FHL3: variants seen among roughly 807,000 people sequenced by gnomAD.
The protein encoded by FHL3 is four and a half LIM domains protein 3.
Under a neutral mutation model 34.3 loss-of-function variants are expected in FHL3, and 21 were observed. The ratio of observed to expected loss-of-function variants is 0.61; its 90% CI spans 0.43 to 0.88. The LOEUF (loss-of-function observed/expected upper bound fraction) is 0.88, where lower values mean the gene tolerates loss of function less well. Among genes scored for constraint, FHL3 ranks in the 40% least tolerant of loss-of-function variants. The pLI is 0.00. For missense variants in FHL3, 333 were observed against 373.7 expected (o/e 0.89, Z 0.90); for synonymous variants, 137 against 144.6 (o/e 0.95, Z 0.38).
chr1:38,000,427 C>T (rs1226032478), intron 1 of FHL3, among the ~76,000 whole-genome samples: 1 of 152,096 alleles, frequency 6.6e-6, no homozygotes, highest in African/African-American at 2.4e-5. Flanking sequence ...GTCTCTCCCA[C>T]CTTTTCCGAT....
In FHL3 at chr1:37,999,309, G is replaced by T; in HGVS notation, c.104C>A (p.Thr35Asn). The T allele has an allele frequency of 1.9e-6, 3 of 1,614,240 alleles. No homozygotes were observed. The highest frequency in any genetic ancestry group is 2.5e-6 in the Non-Finnish European group (3 of 1,180,050). The change falls in exon 2 of 6, where the codon ACC (threonine) becomes AAC (asparagine). Residue 35 changes from threonine to asparagine, a missense_variant. Physicochemically the swap from Thr to Asn is moderately conservative, Grantham distance 65 (BLOSUM62 0). Coordinates refer to ENST00000373016, the MANE Select transcript of FHL3 (RefSeq NM_004468.5). ...GPYCVPCYDN[T>N]FANTCAECQQ... Reference sequence around the variant, plus strand: ...GCACTCAGCACAGGTGTTGGCAAAGGTATTGTCATAGCAGGGCACACAGTA... The same window carrying T: ...GCACTCAGCACAGGTGTTGGCAAAGTTATTGTCATAGCAGGGCACACAGTA...
rs758500471 is a variant in FHL3, at chr1:37,999,272, G to A, written c.141C>T (p.Ile47=). The A allele has an allele frequency of 5.0e-6, 8 of 1,614,058 alleles. No homozygotes were observed. Among genetic ancestry groups the A allele is most frequent in the African/African-American group, 4.0e-5 (3 of 74,926 alleles). The change falls in exon 2 of 6, where the codon ATC becomes ATT. Residue 47 remains isoleucine, a synonymous_variant. Transcript: ENST00000373016. ...ANTCAECQQL[I]GHDSRELFYE... Reference sequence around the variant, plus strand: ...CTCTCCTTACCCTCGAGTCATGCCCGATAAGCTGCTGGCACTCAGCACAGG... The same window carrying A: ...CTCTCCTTACCCTCGAGTCATGCCCAATAAGCTGCTGGCACTCAGCACAGG...
rs1398143185 is a variant in FHL3, at chr1:37,997,169, C to T, written c.*236G>A. ...CAGACTGCAGGGGAGAGGGTGAATT[C>T]TGGAGTCCAGGTGTGGGGAGGGGGC... is the stretch of plus-strand genomic sequence containing the variant. On this transcript the variant is annotated 3_prime_UTR_variant, in exon 6 of 6. Transcript: ENST00000373016. This position sits in a 1 kb window ranked among gnomAD's most constrained non-coding sequence, Gnocchi z 4.3. The T allele has an allele frequency of 3.9e-5, 20 of 515,636 alleles. No individual in the cohort carries two copies. The Admixed American group carries it at 6.8e-4, about 18-fold the overall frequency. 31.9% of individuals were successfully genotyped at this position (515,636 alleles called of 1,614,324 possible).
intron 1 of FHL3, among the ~76,000 whole-genome samples, chr1:38,004,204 G>T (rs1646621744): frequency 6.6e-6 from 1 of 152,162 alleles, no homozygotes; most frequent in African/African-American, 2.4e-5. Context: ...GCTGCTCTGG[G>T]GACATGAGAG....
At position 37,997,947 on chromosome 1, in the gene FHL3, C is replaced by T; in HGVS notation, c.501+16G>A. 1 of 1,614,120 alleles carries T rather than the reference C, an allele frequency of 6.2e-7. No homozygotes were observed. ...ACAGGCCTCACTCACCCCCACCTGGCTGGCCCAGCCCCCACCTTGCTGCAG... is the reference window on the plus strand; with the variant it reads ...ACAGGCCTCACTCACCCCCACCTGGTTGGCCCAGCCCCCACCTTGCTGCAG... On this transcript the variant is annotated intron_variant, in intron 4 of 5. Coordinates refer to ENST00000373016, the MANE Select transcript of FHL3 (RefSeq NM_004468.5). The surrounding 1 kb of genome is among the most constrained non-coding windows in gnomAD (Gnocchi z 4.3).
intron 1 of FHL3, among the ~76,000 whole-genome samples, chr1:38,001,466 C>A (rs980468469): frequency 6.6e-6 from 1 of 152,212 alleles, no homozygotes; most frequent in African/African-American, 2.4e-5. Context: ...CCAGGGCAAC[C>A]CAAATAGGGT....
At chr1:38,001,556 A>G (rs1646594879) in intron 1 of FHL3, among the ~76,000 whole-genome samples, 1 of 152,226 alleles carries the variant, frequency 6.6e-6, no homozygotes, top group African/African-American at 2.4e-5. Context: ...GGACAGAGTA[A>G]AGGGCACCAA....
At position 37,997,308 on chromosome 1, in the gene FHL3, T is replaced by G. The variant is rs1253544523; in HGVS notation, c.*97A>C. Reference sequence around the variant, plus strand: ...CTGGAGCCCAGAAGGAGACCCATTTTTTTTGGCGGGGGGAGCTGAGTCCCA... The same window carrying G: ...CTGGAGCCCAGAAGGAGACCCATTTGTTTTGGCGGGGGGAGCTGAGTCCCA... On this transcript the variant is annotated 3_prime_UTR_variant, in exon 6 of 6. Transcript: ENST00000373016. The surrounding 1 kb of genome is among the most constrained non-coding windows in gnomAD (Gnocchi z 4.3). 1.5e-6 allele frequency: 2 copies of G among 1,368,864 alleles called. No homozygotes were observed. The highest frequency in any genetic ancestry group is 2.3e-5 in the East Asian group (1 of 43,440). The allele number at this position is 1,368,864 out of a possible 1,614,324, so 84.8% of individuals were successfully genotyped here. A position where few individuals can be genotyped will look rare whatever the true frequency, so the allele number is the denominator to read the frequency against.
chr1:38,004,372 G>A (rs1039920655), intron 1 of FHL3, among the ~76,000 whole-genome samples: 1 of 152,098 alleles, frequency 6.6e-6, no homozygotes, highest in Non-Finnish European at 1.5e-5. Context: ...ATGGGGGATC[G>A]GTAGGCTCAG....
chr1:37,997,150 G>A lies in FHL3; in HGVS notation c.*255C>T. 2.1e-6 allele frequency: 1 copy of A among 474,714 alleles called. No homozygotes were observed. The allele number at this position is 474,714 out of a possible 1,614,324, so 29.4% of individuals were successfully genotyped here. A position where few individuals can be genotyped will look rare whatever the true frequency, so the allele number is the denominator to read the frequency against. ...AGGACTCAGTCTGGGAACCCAGACT[G>A]CAGGGGAGAGGGTGAATTCTGGAGT... On this transcript the variant is annotated 3_prime_UTR_variant, in exon 6 of 6. Transcript: ENST00000373016. This position sits in a 1 kb window ranked among gnomAD's most constrained non-coding sequence, Gnocchi z 4.3.
rs375939327 is a variant in FHL3, at chr1:37,997,681, C to A, written c.688+3G>T. On this transcript the variant is annotated splice_donor_region_variant and intron_variant, in intron 5 of 5. Coordinates refer to ENST00000373016, the MANE Select transcript of FHL3 (RefSeq NM_004468.5). The surrounding 1 kb of genome is among the most constrained non-coding windows in gnomAD (Gnocchi z 4.3). ...CCACTCCGTTCTTTGACCCTTGTCC[C>A]ACCTACGATGGGGCGCTTGCAGCTG... 2.0e-4 allele frequency: 330 copies of A among 1,613,846 alleles called. No homozygotes were observed. The highest frequency in any genetic ancestry group is 2.7e-4 in the Non-Finnish European group (314 of 1,179,932).
Position 37,997,209 on chromosome 1 carries a change from C to T in FHL3, c.*196G>A, listed in dbSNP as rs1174320266. On this transcript the variant is annotated 3_prime_UTR_variant, in exon 6 of 6. Coordinates refer to ENST00000373016, the MANE Select transcript of FHL3 (RefSeq NM_004468.5). The surrounding 1 kb of genome is among the most constrained non-coding windows in gnomAD (Gnocchi z 4.3). ...GGGGAGGGGGCTTGACTCATGGAGG[C>T]TCTGTAAGAGCCCAGGTTTGGGGCC... 2 of 604,432 alleles carry T rather than the reference C, an allele frequency of 3.3e-6. No homozygotes were observed. The highest frequency in any genetic ancestry group is 5.8e-6 in the Non-Finnish European group (2 of 342,586). 37.4% of individuals were successfully genotyped at this position (604,432 alleles called of 1,614,324 possible).
At chr1:38,002,055 G>C (rs1646600768) in intron 1 of FHL3, among the ~76,000 whole-genome samples, 1 of 151,694 alleles carries the variant, frequency 6.6e-6, no homozygotes, top group Non-Finnish European at 1.5e-5. Flanking sequence ...ACTGGGGCCA[G>C]ATAGCAGTTT....
intron 1 of FHL3, among the ~76,000 whole-genome samples, chr1:38,002,300 G>C (rs1342401527): frequency 6.6e-6 from 1 of 151,898 alleles, no homozygotes; most frequent in Non-Finnish European, 1.5e-5. Flanking sequence ...GGGTTTCACT[G>C]TGTTAGTCAG....
intron 1 of FHL3, among the ~76,000 whole-genome samples, chr1:37,999,958 A>T (rs892679066): frequency 6.6e-6 from 1 of 152,216 alleles, no homozygotes; most frequent in Admixed American, 6.5e-5. Flanking sequence ...GATCCAGAAA[A>T]CAGTGGAATG....
At chr1:38,000,847 A>G (rs1309379704) in intron 1 of FHL3, among the ~76,000 whole-genome samples, 2 of 151,984 alleles carry the variant, frequency 1.3e-5, no homozygotes, top group Non-Finnish European at 2.9e-5. Context: ...TAGGAAGGAG[A>G]TGTTCTCACA....
chr1:37,998,045 G>C lies in FHL3; in HGVS notation c.419C>G (p.Ser140Cys), dbSNP rs776923869. Residue 140 changes from serine to cysteine, a missense_variant, in exon 4 of 6, where the codon TCT becomes TGT. Transcript: ENST00000373016. ...GTGAGCACCCTTGTCGGGCACAAAA[G>C]AACGGGAGCCCAGTGGCTGTTCACA... ...SGCEQPLGSR[S>C]FVPDKGAHYC... 2 of 1,613,984 alleles carry C rather than the reference G, an allele frequency of 1.2e-6. No individual in the cohort carries two copies. The highest frequency in any genetic ancestry group is 1.7e-6 in the Non-Finnish European group (2 of 1,180,012).
chr1:37,997,627 C>G lies in FHL3; in HGVS notation c.688+57G>C. 1 of 1,611,962 alleles carries G rather than the reference C, an allele frequency of 6.2e-7. No individual in the cohort carries two copies. The highest frequency in any genetic ancestry group is 8.5e-7 in the Non-Finnish European group (1 of 1,178,632). On this transcript the variant is annotated intron_variant, in intron 5 of 5. Transcript: ENST00000373016. This position sits in a 1 kb window ranked among gnomAD's most constrained non-coding sequence, Gnocchi z 4.3. ...TCCGGCCCTCAACCTCACCCAATAC[C>G]ACATCCCACTCCCTTGCCTGCACCC... is the stretch of plus-strand genomic sequence containing the variant.
chr1:37,999,370 A>G lies in FHL3; in HGVS notation c.43T>C (p.Tyr15His), dbSNP rs971274475. Reference sequence around the variant, plus strand: ...TCTGTCTGGATGTACTTGCGTCCATACAGGGACTCGTTGCATTTTGCACAG... The same window carrying G: ...TCTGTCTGGATGTACTTGCGTCCATGCAGGGACTCGTTGCATTTTGCACAG... ...FDCAKCNESL[Y>H]GRKYIQTDSG... Residue 15 changes from tyrosine to histidine, a missense_variant, in exon 2 of 6, where the codon TAT becomes CAT. Tyr to His is a moderately conservative substitution (Grantham distance 83). Coordinates refer to ENST00000373016, the MANE Select transcript of FHL3 (RefSeq NM_004468.5). 34 of 1,614,104 alleles carry G rather than the reference A, an allele frequency of 2.1e-5. No individual in the cohort carries two copies. The highest frequency in any genetic ancestry group is 2.8e-5 in the Non-Finnish European group (33 of 1,180,048).
Sources: gnomAD v4.1 joint callset for allele counts (sites outside exome capture counted in the v4.1 genomes callset) on GRCh38, gnomAD v4.1.1 for gene constraint, Gnocchi (gnomAD v3.1) non-coding constraint, MANE v1.5 for transcripts, NCBI Gene and HGNC (gene_info 2026-07-23, HGNC 2026-07-21) for gene names.